DNAH11: variants seen among roughly 807,000 people sequenced by gnomAD.
DNAH11 encodes the protein dynein axonemal heavy chain 11, also known as axonemal beta dynein heavy chain 11.
DNAH11 carries 442 observed loss-of-function variants against 526.0 expected under a neutral mutation model. The ratio of observed to expected loss-of-function variants is 0.84; its 90% CI spans 0.78 to 0.91. The LOEUF (loss-of-function observed/expected upper bound fraction) is 0.91, where lower values mean the gene tolerates loss of function less well. Ranked by LOEUF, DNAH11 falls within the 40% of genes least tolerant of loss-of-function variation. The pLI, the probability that DNAH11 is intolerant of heterozygous loss-of-function variation, is 0.00. For missense variants in DNAH11, 6,989 were observed against 5,448.7 expected (o/e 1.28, Z -8.90); for synonymous variants, 2,461 against 1,935.9 (o/e 1.27, Z -7.12).
At chr7:21,893,742 T>A (rs1456647253) in intron 77 of DNAH11, among the ~76,000 whole-genome samples, 1 of 152,164 alleles carries the variant, frequency 6.6e-6, no homozygotes, top group East Asian at 1.9e-4. Context: ...AGAGCAACAA[T>A]TACAGAAGAT....
intron 15 of DNAH11, among the ~76,000 whole-genome samples, chr7:21,600,452 C>A (rs916403691): frequency 6.7e-6 from 1 of 149,528 alleles, no homozygotes; most frequent in African/African-American, 2.5e-5. Flanking sequence ...AACCCTGTCT[C>A]AAAAAAACAA....
rs1443869094 is a variant in DNAH11, at chr7:21,897,897, G to A, written c.13050-1439G>A. On this transcript the variant is annotated intron_variant, in intron 79 of 81. Coordinates refer to ENST00000409508, the MANE Select transcript of DNAH11 (RefSeq NM_001277115.2). ...CTCCCAAAGTGCTGGGATTACAGAT[G>A]TGAGCCACCACGTCTGGCCTCATTT... Among the ~76,000 whole-genome samples the A allele has an allele frequency of 6.6e-5, 10 of 152,208 alleles. No homozygotes were observed. The South Asian group carries it at 1.7e-3, about 25-fold the overall frequency.
intron 22 of DNAH11, among the ~76,000 whole-genome samples, chr7:21,616,735 T>C (rs910474767): frequency 4.6e-5 from 7 of 152,194 alleles, no homozygotes; most frequent in Non-Finnish European, 7.3e-5. Context: ...TTTGTTCTTA[T>C]TAATGACTCT....
chr7:21,866,436 C>T (rs1783281191), intron 70 of DNAH11, 34 bp from the exon 71 acceptor site: 1 of 1,580,930 alleles, frequency 6.3e-7, no homozygotes, highest in Non-Finnish European at 8.6e-7. Flanking sequence ...GTATCGTTCA[C>T]ACCATTCCTA....
At position 21,589,408 on chromosome 7, in the gene DNAH11, GGATTT is replaced by G. The variant is rs1411016253; in HGVS notation, c.2169+11_2169+15del. 1 of 1,584,914 alleles carries G rather than the reference GGATTT, an allele frequency of 6.3e-7. No individual in the cohort carries two copies. The highest frequency in any genetic ancestry group is 2.3e-5 in the East Asian group (1 of 43,416). On this transcript the variant is annotated splice_donor_region_variant and intron_variant, in intron 12 of 81. Transcript: ENST00000409508. ...TGTGTCAATTTTGACCCAAAGGTAG[GGATTT>G]GATTTTTTAAGATGATTTATAAGTG...
At chr7:21,574,564 C>CT (rs35535321) in intron 8 of DNAH11, among the ~76,000 whole-genome samples, 9,870 of 123,786 alleles carry the variant, frequency 0.08, 504 homozygotes, top group Non-Finnish European at 0.11. Flanking sequence ...CCCTTCCTTC[C>CT]TTTTTTTTTT....
Position 21,683,878 on chromosome 7 carries a change from A to G in DNAH11, c.5555A>G (p.Gln1852Arg). The G allele has an allele frequency of 6.2e-7, 1 of 1,613,844 alleles. No homozygotes were observed. Residue 1852 changes from glutamine (Q) to arginine (R), a missense_variant, in exon 32 of 82, where the codon CAG becomes CGG. By Grantham distance (43) the Gln-to-Arg change is conservative. Coordinates refer to ENST00000409508, the MANE Select transcript of DNAH11 (RefSeq NM_001277115.2). ...TGCTTTGTTAATATTTGTGATGCCC[A>G]GTTCCAGTACTTCTATGAATACTTA... ...KHCFVNICDA[Q>R]FQYFYEYLGN...
At chr7:21,759,068 G>A (rs1002735925) in intron 54 of DNAH11, among the ~76,000 whole-genome samples, 10 of 152,164 alleles carry the variant, frequency 6.6e-5, no homozygotes, top group African/African-American at 2.4e-4. Flanking sequence ...GCTAGAGACT[G>A]GCTTGGAACG....
chr7:21,646,319 C>T (rs1787355097), intron 28 of DNAH11, among the ~76,000 whole-genome samples: 1 of 152,152 alleles, frequency 6.6e-6, no homozygotes, highest in South Asian at 2.1e-4. Flanking sequence ...ATATGAAAAA[C>T]AGCAGCTTTC....
At chr7:21,703,424 G>A (rs1784140645) in intron 37 of DNAH11, 1 of 152,450 alleles carries the variant, frequency 6.6e-6, no homozygotes, top group African/African-American at 2.4e-5. Context: ...TTATAAAGAG[G>A]TTTAACTGAC....
Position 21,773,999 on chromosome 7 carries a change from G to A in DNAH11, c.9336G>A (p.Gln3112=). 2 of 1,553,822 alleles carry A rather than the reference G, an allele frequency of 1.3e-6. No individual in the cohort carries two copies. Among genetic ancestry groups the A allele is most frequent in the Non-Finnish European group, 1.7e-6 (2 of 1,150,824 alleles). The change falls in exon 56 of 82, where the codon CAG becomes CAA. Residue 3112 remains glutamine (Q), a splice_region_variant and synonymous_variant. Transcript: ENST00000409508. ...GIQKLKTTAS[Q]VGDLKARLAS... is the part of the protein sequence containing the mutation. Reference sequence around the variant, plus strand: ...AAAAGCTAAAAACCACAGCCTCTCAGGTATGACCAGGATGTGTTATTACTG... The same window carrying A: ...AAAAGCTAAAAACCACAGCCTCTCAAGTATGACCAGGATGTGTTATTACTG...
In DNAH11 at chr7:21,581,696, G is replaced by A. The variant is rs533209889; in HGVS notation, c.1594-209G>A. On this transcript the variant is annotated intron_variant, in intron 8 of 81. Transcript: ENST00000409508. ...GGAAAGCATAGGGGAACAGTGCTAA[G>A]CTTTCAGTGATTCTGTAAGGTGGCA... 2.6e-3 allele frequency among the ~76,000 whole-genome samples: 392 copies of A among 152,330 alleles called. 4 individuals are homozygous for A. The highest frequency in any genetic ancestry group is 2.9e-3 in the East Asian group (15 of 5,190).
At chr7:21,877,165 C>A (rs1353380182) in intron 74 of DNAH11, among the ~76,000 whole-genome samples, 1 of 152,152 alleles carries the variant, frequency 6.6e-6, no homozygotes, top group African/African-American at 2.4e-5. Flanking sequence ...AGTAAAATAC[C>A]CAAGAGGTTT....
rs1263338760 is a variant in DNAH11 at position 21,789,327 on chromosome 7, C to G, written c.10011C>G (p.Ile3337Met). ...LAAATEKLEA[I>M]RKKLVDLDRN... ...CAGCTACTGAAAAACTAGAGGCTAT[C>G]AGGAAAAAGCTTGTGGTGAGTGCAA... is the stretch of plus-strand genomic sequence containing the variant. Residue 3337 changes from isoleucine to methionine, a missense_variant, in exon 61 of 82, where the codon ATC becomes ATG. By Grantham distance (10) the Ile-to-Met change is conservative. Transcript: ENST00000409508. 6.4e-7 allele frequency: 1 copy of G among 1,567,646 alleles called. No individual in the cohort carries two copies. The highest frequency in any genetic ancestry group is 1.9e-5 in the Admixed American group (1 of 53,050).
chr7:21,633,860 G>A (rs964699033), intron 25 of DNAH11, among the ~76,000 whole-genome samples: 19 of 152,268 alleles, frequency 1.2e-4, no homozygotes, highest in African/African-American at 4.6e-4. Flanking sequence ...AGGCAATGAG[G>A]ACAATATTAG....
At chr7:21,605,725 T>G (rs1015663697) in intron 18 of DNAH11, among the ~76,000 whole-genome samples, 2 of 152,202 alleles carry the variant, frequency 1.3e-5, no homozygotes, top group African/African-American at 4.8e-5. Context: ...TTTCACTTGC[T>G]AAATTACTAA....
At chr7:21,587,872 C>G (rs985588963) in intron 9 of DNAH11, among the ~76,000 whole-genome samples, 192 bp from the exon 10 acceptor site, 2 of 152,006 alleles carry the variant, frequency 1.3e-5, no homozygotes, top group Non-Finnish European at 2.9e-5. Context: ...TATTTTACAT[C>G]TAGAATTGGT....
chr7:21,823,289 T>G (rs1790133385), intron 65 of DNAH11, among the ~76,000 whole-genome samples: 1 of 152,148 alleles, frequency 6.6e-6, no homozygotes, highest in Non-Finnish European at 1.5e-5. Flanking sequence ...CTCGGTTTTT[T>G]CCTAAGCCTC....
At chr7:21,881,891 T>A (rs549875676) in intron 75 of DNAH11, among the ~76,000 whole-genome samples, 1 of 152,336 alleles carries the variant, frequency 6.6e-6, no homozygotes, top group Admixed American at 6.5e-5. Context: ...GGTTTTAATA[T>A]GGTATTTGAT....
Sources: gnomAD v4.1 joint callset for allele counts (sites outside exome capture counted in the v4.1 genomes callset) on GRCh38, gnomAD v4.1.1 for gene constraint, MANE v1.5 for transcripts, NCBI Gene and HGNC (gene_info 2026-07-23, HGNC 2026-07-21) for gene names.